ADAMTS14: variants seen among roughly 807,000 people sequenced by gnomAD.
ADAMTS14 encodes the protein A disintegrin and metalloproteinase with thrombospondin motifs 14.
A neutral mutation model predicts 128.6 loss-of-function variants in ADAMTS14; 100 were observed. The ratio of observed to expected loss-of-function variants is 0.78; its 90% CI spans 0.66 to 0.92. The LOEUF is 0.92. ADAMTS14 is among the 40% of genes least tolerant of loss of function. ADAMTS14 has a pLI of 0.00. For synonymous variants in ADAMTS14, 665 were observed against 653.8 expected, an observed-to-expected ratio of 1.02 and a Z score of -0.26; for missense variants, 1,562 against 1,658.6, an observed-to-expected ratio of 0.94 and a Z score of 1.01.
intron 4 of ADAMTS14, among the ~76,000 whole-genome samples, chr10:70,721,023 T>TC (rs1170102865): frequency 5.6e-4 from 77 of 137,434 alleles, no homozygotes; most frequent in African/African-American, 2.0e-3. Flanking sequence ...TTTTTTCTTT[T>TC]TTTTTTTTTT....
At chr10:70,720,623 G>C (rs146131981) in intron 4 of ADAMTS14, among the ~76,000 whole-genome samples, 660 of 152,356 alleles carry the variant, frequency 4.3e-3, no homozygotes, top group Non-Finnish European at 7.2e-3. Flanking sequence ...AGAGAGCTCA[G>C]ACCACAGGTA....
At chr10:70,717,813 T>G (rs72814568) in intron 4 of ADAMTS14, among the ~76,000 whole-genome samples, 9,521 of 152,262 alleles carry the variant, frequency 0.063, 300 homozygotes, top group African/African-American at 0.093. Context: ...GATAGGTGCC[T>G]GGTCCACCTC....
At chr10:70,725,199 G>A (rs1297850036) in intron 4 of ADAMTS14, among the ~76,000 whole-genome samples, 4 of 152,056 alleles carry the variant, frequency 2.6e-5, no homozygotes, top group Non-Finnish European at 5.9e-5. Context: ...GTCACTGTCC[G>A]TCCCCAGAAA....
rs1380137852 is a variant in ADAMTS14 at position 70,683,821 on chromosome 10, G to A, written c.522+8826G>A. Among the ~76,000 whole-genome samples the A allele has an allele frequency of 4.6e-5, 7 of 152,110 alleles. No homozygotes were observed. The South Asian group carries it at 6.2e-4, about 14-fold the overall frequency. On this transcript the variant is annotated intron_variant, in intron 2 of 21. Transcript: ENST00000373207. ...CAGCATGGTGCTGGCTGTAGGCCGC[G>A]CGGCCTCAGTTCTCTCTGTGGCCAG... is the stretch of plus-strand genomic sequence containing the variant.
intron 2 of ADAMTS14, among the ~76,000 whole-genome samples, chr10:70,687,863 G>A (rs1589263400): frequency 4.1e-5 from 3 of 74,008 alleles, no homozygotes; most frequent in East Asian, 7.7e-4. Context: ...CGGGCGGGGG[G>A]CTGACCCCCC....
intron 9 of ADAMTS14, among the ~76,000 whole-genome samples, chr10:70,736,001 GC>G (rs1442192391): frequency 1.3e-5 from 2 of 152,200 alleles, no homozygotes; most frequent in African/African-American, 4.8e-5. Flanking sequence ...AATGGGGAGC[GC>G]CCCCAACCAT....
intron 2 of ADAMTS14, among the ~76,000 whole-genome samples, chr10:70,698,431 A>G (rs78765864): frequency 0.022 from 3,328 of 152,330 alleles, 52 homozygotes; most frequent in East Asian, 0.087. Context: ...CAGAGATTCA[A>G]GGGAACTTGG....
chr10:70,681,819 C>T lies in ADAMTS14; in HGVS notation c.522+6824C>T, dbSNP rs76593808. Among the ~76,000 whole-genome samples the T allele has an allele frequency of 7.5e-3, 1,136 of 152,376 alleles. 12 individuals carry two copies. Among genetic ancestry groups the T allele is most frequent in the African/African-American group, 0.026 (1,096 of 41,586 alleles). Reference sequence around the variant, plus strand: ...CCCTTACATCTTGACCTGCAGGCCTCCTGCCCTCACACATGTGTGCCTAGA... The same window carrying T: ...CCCTTACATCTTGACCTGCAGGCCTTCTGCCCTCACACATGTGTGCCTAGA... On this transcript the variant is annotated intron_variant, in intron 2 of 21. Transcript: ENST00000373207.
chr10:70,677,791 C>T (rs1263227132), intron 2 of ADAMTS14, among the ~76,000 whole-genome samples: 1 of 152,186 alleles, frequency 6.6e-6, no homozygotes, highest in African/African-American at 2.4e-5. Flanking sequence ...TCCGCCCACT[C>T]CAGGAAATGG....
chr10:70,748,232 T>A (rs1021036531), intron 15 of ADAMTS14, among the ~76,000 whole-genome samples: 14 of 152,188 alleles, frequency 9.2e-5, no homozygotes, highest in African/African-American at 2.9e-4. Context: ...GATTCGGGAC[T>A]GGGTCTGGAC....
intron 18 of ADAMTS14, 42 bp downstream of exon 18, chr10:70,752,269 C>A (rs769833107): frequency 5.0e-6 from 8 of 1,604,630 alleles, no homozygotes; most frequent in Non-Finnish European, 6.8e-6. Context: ...GGTTCTATGC[C>A]TAGCCCGGGC....
rs376832712 is a variant in ADAMTS14, at chr10:70,702,367, G to A, written c.578G>A (p.Gly193Asp). 1.9e-6 allele frequency: 3 copies of A among 1,614,100 alleles called. No homozygotes were observed. The highest frequency in any genetic ancestry group is 2.5e-6 in the Non-Finnish European group (3 of 1,180,050). ...TDFFIEPLER[G>D]QQEKEASGRT... ...TTCTTCATTGAGCCTCTGGAGCGGG[G>A]CCAGCAGGAGAAGGAGGCCAGCGGG... The change falls in exon 3 of 22, where the codon GGC becomes GAC. Residue 193 changes from glycine to aspartate, a missense_variant. By Grantham distance (94) the Gly-to-Asp change is moderately conservative (BLOSUM62 -1). Coordinates refer to ENST00000373207, the MANE Select transcript of ADAMTS14 (RefSeq NM_080722.4).
chr10:70,727,267 C>T (rs2132661902), intron 4 of ADAMTS14, among the ~76,000 whole-genome samples: 1 of 152,372 alleles, frequency 6.6e-6, no homozygotes, highest in South Asian at 2.1e-4. Flanking sequence ...CTGTTCCCCT[C>T]CTGGCTCACC....
intron 8 of ADAMTS14, among the ~76,000 whole-genome samples, chr10:70,734,311 G>A (rs758994697): frequency 6.6e-6 from 1 of 152,166 alleles, no homozygotes; most frequent in African/African-American, 2.4e-5. Flanking sequence ...TTCTGCTGGG[G>A]TTGGGTCTAG....
chr10:70,729,403 G>T (rs759293064), intron 5 of ADAMTS14, 26 bp downstream of exon 5: 4 of 1,596,368 alleles, frequency 2.5e-6, no homozygotes, highest in Non-Finnish European at 3.4e-6. Flanking sequence ...AGCAGGCAGG[G>T]TTTGCGGGGA....
At chr10:70,689,074 C>T (rs1024932802) in intron 2 of ADAMTS14, among the ~76,000 whole-genome samples, 1 of 112,694 alleles carries the variant, frequency 8.9e-6, no homozygotes, top group African/African-American at 2.7e-5. Context: ...CCTGAAGAGG[C>T]CTGTGTTCCA....
At chr10:70,749,508 A>G (rs1393750747) in intron 15 of ADAMTS14, among the ~76,000 whole-genome samples, 1 of 152,166 alleles carries the variant, frequency 6.6e-6, no homozygotes, top group Non-Finnish European at 1.5e-5. Context: ...AGAGGAGATT[A>G]TGCTGAGCCT....
chr10:70,758,467 A>G (rs1842532738), intron 21 of ADAMTS14, among the ~76,000 whole-genome samples, 182 bp downstream of exon 21: 1 of 152,200 alleles, frequency 6.6e-6, no homozygotes, highest in South Asian at 2.1e-4. Context: ...ATGAGCCGTT[A>G]CCTGCAATTC....
At chr10:70,688,354 G>A (rs1484740466) in intron 2 of ADAMTS14, among the ~76,000 whole-genome samples, 17 of 99,804 alleles carry the variant, frequency 1.7e-4, no homozygotes, top group African/African-American at 4.3e-4. Context: ...TGGGATGGCC[G>A]CCGGGCAGAG....
Sources: allele counts gnomAD v4.1 joint callset (sites outside exome capture counted in the v4.1 genomes callset), GRCh38; gene constraint gnomAD v4.1.1; transcripts MANE v1.5; gene names NCBI Gene and HGNC (gene_info 2026-07-23, HGNC 2026-07-21).